Variants in CMKLR1 observed in about 807,000 individuals in gnomAD.
CMKLR1 encodes chemerin-like receptor 1.
CMKLR1 carries 6 observed loss-of-function variants against 8.2 expected under a neutral mutation model. The observed-to-expected ratio is 0.73, with a 90% CI of 0.40 to 1.44. CMKLR1 has a LOEUF of 1.44. Among genes scored for constraint, CMKLR1 ranks in the 40% most tolerant of loss-of-function variants. The probability of loss-of-function intolerance (pLI) is 0.02; values close to 1 mark genes in which losing one functional copy is unlikely to be tolerated. For synonymous variants in CMKLR1, 178 were observed against 181.2 expected, an observed-to-expected ratio of 0.98 and a Z score of 0.14; for missense variants, 429 against 478.0, an observed-to-expected ratio of 0.90 and a Z score of 0.96.
At chr12:108,317,014 G>C (rs952298180) in intron 2 of CMKLR1, among the ~76,000 whole-genome samples, 1 of 152,162 alleles carries the variant, frequency 6.6e-6, no homozygotes, top group Non-Finnish European at 1.5e-5. Flanking sequence ...TGTTGGCCAA[G>C]CTGGTCTCCA....
chr12:108,307,513 G>A (rs1450770371), intron 2 of CMKLR1, among the ~76,000 whole-genome samples: 1 of 152,220 alleles, frequency 6.6e-6, no homozygotes, highest in African/African-American at 2.4e-5. Context: ...CTGCCAGCGG[G>A]TGGGGAGAAG....
intron 1 of CMKLR1, among the ~76,000 whole-genome samples, chr12:108,332,007 C>A (rs1021068705): frequency 6.6e-6 from 1 of 152,196 alleles, no homozygotes; most frequent in Non-Finnish European, 1.5e-5. Context: ...TACCTGAATT[C>A]TTACTTCATA....
intron 2 of CMKLR1, among the ~76,000 whole-genome samples, chr12:108,323,525 C>A (rs1335803505): frequency 6.6e-6 from 1 of 152,146 alleles, no homozygotes; most frequent in Non-Finnish European, 1.5e-5. Context: ...CCTGAGGGAA[C>A]CTGAGGAATG....
chr12:108,290,826 T>C lies in CMKLR1; in HGVS notation c.*1015A>G, dbSNP rs925972625. 1 of 152,164 alleles carries C rather than the reference T, an allele frequency of 6.6e-6. No individual in the cohort carries two copies. The highest frequency in any genetic ancestry group is 2.4e-5 in the African/African-American group (1 of 41,426). 9.4% of individuals were successfully genotyped at this position (152,164 alleles called of 1,614,324 possible). ...CTTCTTCCCAGGGGACTCTCCGGAG[T>C]TGCTTCCCAAAGCTGCATTTTGGAC... On this transcript the variant is annotated 3_prime_UTR_variant, in exon 4 of 4. Transcript: ENST00000550402.
intron 2 of CMKLR1, among the ~76,000 whole-genome samples, chr12:108,322,941 C>T (rs1279975259): frequency 2.0e-5 from 3 of 152,184 alleles, no homozygotes; most frequent in Non-Finnish European, 4.4e-5. Flanking sequence ...GCATTCTCCC[C>T]CTGCAATCCA....
At chr12:108,301,538 C>T (rs6539421) in intron 2 of CMKLR1, among the ~76,000 whole-genome samples, 1 of 152,006 alleles carries the variant, frequency 6.6e-6, no homozygotes, top group Non-Finnish European at 1.5e-5. Context: ...CTCCACCAGC[C>T]CCCAGCTCAG....
rs1356049422 is a variant in CMKLR1 at position 108,292,487 on chromosome 12, G to A, written c.476C>T (p.Ala159Val). The change falls in exon 4 of 4, where the codon GCC becomes GTC. Residue 159 changes from alanine (A) to valine (V), a missense_variant. Physicochemically the swap from Ala to Val is moderately conservative, Grantham distance 64 (BLOSUM62 0). Transcript: ENST00000550402. ...AGCCAGGACCCAGATGACCATGCAGGCCATGTAAGCCAGGCGAACGCTGCG... is the reference window on the plus strand; with the variant it reads ...AGCCAGGACCCAGATGACCATGCAGACCATGTAAGCCAGGCGAACGCTGCG... ...NHRSVRLAYM[A>V]CMVIWVLAFF... 6.2e-7 allele frequency: 1 copy of A among 1,614,044 alleles called. No individual in the cohort carries two copies. Among genetic ancestry groups the A allele is most frequent in the African/African-American group, 1.3e-5 (1 of 74,914 alleles).
At chr12:108,332,395 T>G (rs755927432) in intron 1 of CMKLR1, among the ~76,000 whole-genome samples, 3 of 152,164 alleles carry the variant, frequency 2.0e-5, no homozygotes, top group Non-Finnish European at 1.5e-5. Context: ...TAATACTGAG[T>G]GTCAACTTGA....
Position 108,292,908 on chromosome 12 carries a change from G to T in CMKLR1, c.55C>A (p.Pro19Thr), listed in dbSNP as rs751158064. The T allele has an allele frequency of 3.7e-6, 6 of 1,613,744 alleles. No homozygotes were observed. The Admixed American group carries it at 1.0e-4, about 27-fold the overall frequency. The change falls in exon 4 of 4, where the codon CCT (proline) becomes ACT (threonine). Residue 19 changes from proline to threonine, a missense_variant. By Grantham distance (38) the Pro-to-Thr change is conservative (BLOSUM62 -1). Transcript: ENST00000550402. ...NTSISYGDEY[P>T]DYLDSIVVLE... ...ACCACAATGGAGTCTAAATAATCAG[G>T]GTATTCATCACCGTAACTGATGGAA...
At chr12:108,333,585 T>A (rs1428322706) in intron 1 of CMKLR1, among the ~76,000 whole-genome samples, 1 of 152,198 alleles carries the variant, frequency 6.6e-6, no homozygotes, top group African/African-American at 2.4e-5. Context: ...TATGGACTCA[T>A]TTAATCTCAC....
At position 108,291,346 on chromosome 12, in the gene CMKLR1, A is replaced by C. The variant is rs1342548679; in HGVS notation, c.*495T>G. On this transcript the variant is annotated 3_prime_UTR_variant, in exon 4 of 4. Coordinates refer to ENST00000550402, the MANE Select transcript of CMKLR1 (RefSeq NM_001142343.2). Reference sequence around the variant, plus strand: ...TCCCAGATCACCTATGCATTTCCACATACTTTAACACAGAGCAGTGACTTG... The same window carrying C: ...TCCCAGATCACCTATGCATTTCCACCTACTTTAACACAGAGCAGTGACTTG... 1 of 156,158 alleles carries C rather than the reference A, an allele frequency of 6.4e-6. No individual in the cohort carries two copies. Among genetic ancestry groups the C allele is most frequent in the Non-Finnish European group, 1.4e-5 (1 of 70,626 alleles). 9.7% of individuals were successfully genotyped at this position (156,158 alleles called of 1,614,324 possible).
intron 2 of CMKLR1, among the ~76,000 whole-genome samples, chr12:108,314,710 A>G (rs1331447309): frequency 6.6e-6 from 1 of 151,854 alleles, no homozygotes; most frequent in Non-Finnish European, 1.5e-5. Context: ...AGTAGCAGTG[A>G]TAAGTGGGAC....
At chr12:108,304,143 G>T (rs540697308) in intron 2 of CMKLR1, among the ~76,000 whole-genome samples, 270 of 152,310 alleles carry the variant, frequency 1.8e-3, no homozygotes, top group African/African-American at 6.3e-3. Flanking sequence ...CAGCAAGGTT[G>T]GGTGTTTACC....
At chr12:108,330,732 A>T (rs1222148331) in intron 1 of CMKLR1, among the ~76,000 whole-genome samples, 1 of 152,358 alleles carries the variant, frequency 6.6e-6, no homozygotes, top group East Asian at 1.9e-4. Flanking sequence ...GCATATAAAC[A>T]GTGACTTGGA....
chr12:108,306,927 C>T (rs1593165570), intron 2 of CMKLR1, among the ~76,000 whole-genome samples: 1 of 152,182 alleles, frequency 6.6e-6, no homozygotes, highest in African/African-American at 2.4e-5. Context: ...GACATCTGTC[C>T]TTCCAGGCCA....
At chr12:108,312,076 G>A (rs532608640) in intron 2 of CMKLR1, among the ~76,000 whole-genome samples, 52 of 152,262 alleles carry the variant, frequency 3.4e-4, no homozygotes, top group African/African-American at 9.9e-4. Context: ...ATCCTGTTAC[G>A]TGCCAGGCAC....
chr12:108,303,912 C>T (rs75759140), intron 2 of CMKLR1, among the ~76,000 whole-genome samples: 3,552 of 152,322 alleles, frequency 0.023, 91 homozygotes, highest in South Asian at 0.051. Context: ...GAGCCTTCTG[C>T]GCCCCAGAGC....
chr12:108,292,032 T>G lies in CMKLR1; in HGVS notation c.931A>C (p.Met311Leu). Residue 311 changes from methionine to leucine, a missense_variant, in exon 4 of 4, where the codon ATG (methionine) becomes CTG (leucine). Coordinates refer to ENST00000550402, the MANE Select transcript of CMKLR1 (RefSeq NM_001142343.2). ...ATALAIANSC[M>L]NPILYVFMGQ... ...ATGAAAACATACAGAATGGGGTTCA[T>G]GCAGCTGTTGGCAATGGCAAGGGCA... The G allele has an allele frequency of 6.2e-7, 1 of 1,614,206 alleles. No homozygotes were observed. Among genetic ancestry groups the G allele is most frequent in the Non-Finnish European group, 8.5e-7 (1 of 1,180,040 alleles).
intron 2 of CMKLR1, among the ~76,000 whole-genome samples, chr12:108,311,283 A>AAGT (rs1566023780): frequency 6.6e-6 from 1 of 151,714 alleles, no homozygotes; most frequent in Admixed American, 6.6e-5. Context: ...GGTTGACATG[A>AAGT]ATGTGTGTAT....
Sources: allele counts gnomAD v4.1 joint callset (sites outside exome capture counted in the v4.1 genomes callset), GRCh38; gene constraint gnomAD v4.1.1; transcripts MANE v1.5; gene names NCBI Gene and HGNC (gene_info 2026-07-23, HGNC 2026-07-21).